Variants in MTUS1 observed in about 807,000 individuals in gnomAD.
MTUS1 encodes microtubule associated scaffold protein 1.
Under a neutral mutation model 120.8 loss-of-function variants are expected in MTUS1, and 109 were observed. The ratio of observed to expected loss-of-function variants is 0.90; its 90% confidence interval spans 0.77 to 1.06. The LOEUF (loss-of-function observed/expected upper bound fraction) is 1.06. Ranked by LOEUF, MTUS1 falls within the 50% of genes least tolerant of loss-of-function variation. The pLI is 0.00. For missense variants in MTUS1, 2,210 were observed against 1,486.3 expected, an observed-to-expected ratio of 1.49 and a Z score of -8.01; for synonymous variants, 737 against 550.5, an observed-to-expected ratio of 1.34 and a Z score of -4.74.
chr8:17,741,436 A>G (rs2047310626), intron 3 of MTUS1, among the ~76,000 whole-genome samples: 1 of 152,222 alleles, frequency 6.6e-6, no homozygotes, highest in Non-Finnish European at 1.5e-5. Context: ...TCAGATACAG[A>G]AAACCACCCA....
Position 17,713,270 on chromosome 8 carries a change from CAT to C in MTUS1, c.2585-20_2585-19del. On this transcript the variant is annotated intron_variant, in intron 5 of 14. Transcript: ENST00000693296. ...CGAAGGACCTAAGATATAAAAGAAACATGTAAAATACATATGTTTTATTTGAC... is the reference window on the plus strand; with the variant it reads ...CGAAGGACCTAAGATATAAAAGAAACGTAAAATACATATGTTTTATTTGAC... 7.1e-7 allele frequency: 1 copy of C among 1,417,124 alleles called. No individual in the cohort carries two copies. Among genetic ancestry groups the C allele is most frequent in the South Asian group, 1.2e-5 (1 of 83,916 alleles). The allele number at this position is 1,417,124 out of a possible 1,614,324, so 87.8% of individuals were successfully genotyped here.
intron 12 of MTUS1, 139 bp from the exon 13 acceptor site, chr8:17,650,101 A>T: frequency 2.9e-6 from 2 of 682,710 alleles, no homozygotes; most frequent in Non-Finnish European, 5.2e-6. Flanking sequence ...TCAAAGAAAG[A>T]GGTGAAAAAC....
chr8:17,751,493 T>A (rs923378106), intron 2 of MTUS1, among the ~76,000 whole-genome samples: 20 of 152,154 alleles, frequency 1.3e-4, no homozygotes, highest in African/African-American at 2.4e-5. Context: ...CCAGTCCTCC[T>A]TCCCAGAGAC....
intron 8 of MTUS1, chr8:17,674,735 A>G (rs2269695): frequency 0.67 from 660,804 of 993,354 alleles, 222,265 homozygotes; most frequent in East Asian, 0.81. Flanking sequence ...TTTTCAGCCA[A>G]GTTGCCTTCA....
At chr8:17,712,498 G>A (rs1021585472) in intron 6 of MTUS1, among the ~76,000 whole-genome samples, 4 of 151,920 alleles carry the variant, frequency 2.6e-5, no homozygotes, top group East Asian at 1.9e-4. Flanking sequence ...CACCACGTCC[G>A]GCAAACTTTT....
chr8:17,770,146 A>G (rs1187801379), intron 1 of MTUS1, among the ~76,000 whole-genome samples: 1 of 152,172 alleles, frequency 6.6e-6, no homozygotes, highest in Non-Finnish European at 1.5e-5. Flanking sequence ...TTTGTACTTG[A>G]TATTTTAACC....
chr8:17,772,026 CT>C (rs2050060911), intron 1 of MTUS1, among the ~76,000 whole-genome samples: 1 of 152,186 alleles, frequency 6.6e-6, no homozygotes, highest in African/African-American at 2.4e-5. Flanking sequence ...GCCTGGATGA[CT>C]TTTAAGATGA....
intron 8 of MTUS1, among the ~76,000 whole-genome samples, chr8:17,660,898 A>C (rs892263018): frequency 2.0e-5 from 3 of 152,196 alleles, no homozygotes; most frequent in Admixed American, 6.5e-5. Flanking sequence ...CAAAGCAGAG[A>C]AGATAGAACC....
intron 8 of MTUS1, among the ~76,000 whole-genome samples, chr8:17,670,833 G>C (rs1490946702): frequency 6.9e-6 from 1 of 145,324 alleles, no homozygotes; most frequent in Non-Finnish European, 1.5e-5. Context: ...AAAAAAAAAA[G>C]ATTGGAGCAG....
chr8:17,688,931 G>T (rs902988285), intron 6 of MTUS1, among the ~76,000 whole-genome samples: 7 of 152,160 alleles, frequency 4.6e-5, no homozygotes, highest in Non-Finnish European at 1.5e-5. Flanking sequence ...CCCAAGCCAG[G>T]CCGGGTGCGG....
chr8:17,674,745 A>G (rs1270337563), intron 8 of MTUS1: 1 of 995,758 alleles, frequency 1.0e-6, no homozygotes, highest in African/African-American at 1.7e-5. Context: ...AGTTGCCTTC[A>G]TGGACAGCAT....
intron 4 of MTUS1, among the ~76,000 whole-genome samples, chr8:17,716,932 T>C (rs1354235446): frequency 6.6e-6 from 1 of 152,174 alleles, no homozygotes; most frequent in African/African-American, 2.4e-5. Flanking sequence ...ATAAATTTCT[T>C]TATTACCAAC....
intron 8 of MTUS1, among the ~76,000 whole-genome samples, chr8:17,664,577 T>C (rs1810485991): frequency 6.6e-6 from 1 of 151,320 alleles, no homozygotes; most frequent in African/African-American, 2.4e-5. Flanking sequence ...CCTCCTCCTC[T>C]CAGTTCTGGG....
intron 2 of MTUS1, among the ~76,000 whole-genome samples, chr8:17,749,712 T>C (rs539704034): frequency 6.6e-6 from 1 of 151,860 alleles, no homozygotes; most frequent in South Asian, 2.1e-4. Flanking sequence ...TAAATCTGCC[T>C]GTGACCTGGA....
intron 8 of MTUS1, among the ~76,000 whole-genome samples, chr8:17,666,035 A>C (rs1274208197): frequency 6.6e-6 from 1 of 151,250 alleles, no homozygotes; most frequent in African/African-American, 2.4e-5. Context: ...AAGCCTGCAA[A>C]GGCCATTTGC....
intron 6 of MTUS1, among the ~76,000 whole-genome samples, chr8:17,710,697 T>C (rs1273987226): frequency 6.6e-6 from 1 of 152,186 alleles, no homozygotes; most frequent in East Asian, 1.9e-4. Context: ...CAAACCCTTT[T>C]CAGAAGGTTT....
chr8:17,744,907 G>A (rs115580722), intron 2 of MTUS1, among the ~76,000 whole-genome samples: 3 of 151,990 alleles, frequency 2.0e-5, no homozygotes, highest in African/African-American at 7.3e-5. Flanking sequence ...CCTACTTCAA[G>A]ATGTCTCATC....
intron 14 of MTUS1, 101 bp from the exon 15 acceptor site, chr8:17,646,240 T>C: frequency 7.9e-7 from 1 of 1,266,840 alleles, no homozygotes; most frequent in Non-Finnish European, 1.1e-6. Flanking sequence ...AAATTATTCC[T>C]TTGGGATAAA....
intron 1 of MTUS1, among the ~76,000 whole-genome samples, chr8:17,785,927 T>C (rs2051266073): frequency 6.6e-6 from 1 of 152,170 alleles, no homozygotes; most frequent in Admixed American, 6.5e-5. Context: ...AGAGAATCTA[T>C]TGAACCCAGT....
Sources: gnomAD v4.1 joint callset for allele counts (sites outside exome capture counted in the v4.1 genomes callset) on GRCh38, gnomAD v4.1.1 for gene constraint, MANE v1.5 for transcripts, NCBI Gene and HGNC (gene_info 2026-07-23, HGNC 2026-07-21) for gene names.